AGTPBP1: variants seen among roughly 807,000 people sequenced by gnomAD.
The protein encoded by AGTPBP1 is ATP/GTP binding carboxypeptidase 1.
In AGTPBP1, 70 loss-of-function variants were observed where a neutral mutation model predicts 143.9. The ratio of observed to expected loss-of-function variants is 0.49; its 90% confidence interval spans 0.40 to 0.59. The LOEUF is 0.59. Among genes scored for constraint, AGTPBP1 ranks in the 20% least tolerant of loss-of-function variants. The pLI is 0.00. For synonymous variants in AGTPBP1, 463 were observed against 500.2 expected (o/e 0.93, Z 0.99); for missense variants, 1,229 against 1,464.5 (o/e 0.84, Z 2.62).
intron 2 of AGTPBP1, among the ~76,000 whole-genome samples, chr9:85,700,993 C>T (rs1476125320): frequency 6.6e-6 from 1 of 152,104 alleles, no homozygotes; most frequent in African/African-American, 2.4e-5. Flanking sequence ...TCTCGGCTCA[C>T]TGCAACCTCC....
intron 17 of AGTPBP1, among the ~76,000 whole-genome samples, chr9:85,602,019 A>T (rs962326417): frequency 6.6e-6 from 1 of 152,178 alleles, no homozygotes; most frequent in Admixed American, 6.5e-5. Flanking sequence ...GAAAGTAAAT[A>T]AAAAAATTGG....
chr9:85,654,530 A>G (rs895011710), intron 11 of AGTPBP1, among the ~76,000 whole-genome samples: 3 of 152,106 alleles, frequency 2.0e-5, no homozygotes, highest in Admixed American at 6.6e-5. Context: ...TAATGTTTAT[A>G]TTTTTACACT....
intron 19 of AGTPBP1, 152 bp from the exon 20 acceptor site, chr9:85,589,833 C>A: frequency 5.4e-6 from 4 of 744,508 alleles, no homozygotes; most frequent in South Asian, 4.0e-5. Flanking sequence ...GCCTAAACAT[C>A]AGTGTTTGGG....
chr9:85,754,682 G>C, the AGTPBP1 span, among the ~76,000 whole-genome samples: 1 of 151,888 alleles, frequency 6.6e-6, no homozygotes, highest in African/African-American at 2.4e-5. Context: ...AAAATACCTA[G>C]AATGCAATTA....
At chr9:85,727,052 G>A (rs142348660) in intron 1 of AGTPBP1, among the ~76,000 whole-genome samples, 4,264 of 152,236 alleles carry the variant, frequency 0.028, 201 homozygotes, top group African/African-American at 0.096. Flanking sequence ...AAATTCGGCC[G>A]GGTGTGGTGG....
intron 18 of AGTPBP1, among the ~76,000 whole-genome samples, chr9:85,595,105 C>T (rs891010798): frequency 2.0e-5 from 3 of 152,066 alleles, no homozygotes; most frequent in Non-Finnish European, 4.4e-5. Context: ...CATTTATTTG[C>T]TATTCATTTT....
At chr9:85,711,631 G>A (rs1360543167) in intron 2 of AGTPBP1, among the ~76,000 whole-genome samples, 2 of 151,622 alleles carry the variant, frequency 1.3e-5, no homozygotes, top group Non-Finnish European at 2.9e-5. Context: ...ATAAAGACAG[G>A]GTTTCACCAT....
intron 2 of AGTPBP1, among the ~76,000 whole-genome samples, chr9:85,699,233 G>T (rs761357674): frequency 1.5e-4 from 23 of 152,014 alleles, no homozygotes; most frequent in African/African-American, 5.6e-4. Context: ...ATCCTCCCAC[G>T]TGAGTCTCCC....
chr9:85,578,365 C>CT (rs1358501184), intron 24 of AGTPBP1, among the ~76,000 whole-genome samples: 1 of 152,146 alleles, frequency 6.6e-6, no homozygotes, highest in Non-Finnish European at 1.5e-5. Context: ...AATCCCGGAA[C>CT]TTTGAGAGGC....
intron 21 of AGTPBP1, 108 bp from the exon 22 acceptor site, chr9:85,587,068 C>T: frequency 1.5e-6 from 2 of 1,362,906 alleles, no homozygotes; most frequent in Middle Eastern, 1.9e-4. Context: ...TGCTTCTATT[C>T]CACTAAGCAT....
chr9:85,716,321 C>T (rs767252365), intron 1 of AGTPBP1, among the ~76,000 whole-genome samples: 2 of 152,202 alleles, frequency 1.3e-5, no homozygotes, highest in African/African-American at 4.8e-5. Context: ...TTTCCTTTAA[C>T]GGAATGCCCA....
chr9:85,689,892 C>A (rs1835729867), intron 3 of AGTPBP1, among the ~76,000 whole-genome samples: 1 of 80,790 alleles, frequency 1.2e-5, no homozygotes, highest in African/African-American at 5.8e-5. Context: ...GAGAGAGACT[C>A]TGCCTCAAAA....
chr9:85,566,912 A>G (rs1442727145), intron 25 of AGTPBP1, among the ~76,000 whole-genome samples: 2 of 152,216 alleles, frequency 1.3e-5, no homozygotes, highest in East Asian at 1.9e-4. Context: ...AAGACTTTAT[A>G]GCATTGCAAT....
At chr9:85,549,745 A>T (rs1256180694) in intron 25 of AGTPBP1, among the ~76,000 whole-genome samples, 1 of 152,206 alleles carries the variant, frequency 6.6e-6, no homozygotes, top group East Asian at 1.9e-4. Flanking sequence ...TTTTAAGACA[A>T]AGTAGCACAA....
chr9:85,613,512 T>C (rs62566927), intron 17 of AGTPBP1, among the ~76,000 whole-genome samples: 2,513 of 152,016 alleles, frequency 0.017, 29 homozygotes, highest in Middle Eastern at 0.055. Flanking sequence ...AATCTAAATG[T>C]CACTGACATA....
In AGTPBP1 at chr9:85,596,440, G is replaced by A; in HGVS notation, c.2345C>T (p.Pro782Leu). ...TGCTTCCTGAACCGAATACATGAGT[G>A]GTTGCATACCTTTGAAAGAGAGAAA... Reference protein sequence around the residue: ...SNSQFNYGMQPLMYSVQEALN... With the variant: ...SNSQFNYGMQLLMYSVQEALN... Residue 782 changes from proline to leucine, a missense_variant, in exon 18 of 26, where the codon CCA (proline) becomes CTA (leucine). Pro to Leu is a moderately conservative substitution (Grantham distance 98, BLOSUM62 -3). Transcript: ENST00000357081. 6.3e-7 allele frequency: 1 copy of A among 1,597,964 alleles called. No individual in the cohort carries two copies. The highest frequency in any genetic ancestry group is 8.5e-7 in the Non-Finnish European group (1 of 1,172,358).
intron 3 of AGTPBP1, among the ~76,000 whole-genome samples, chr9:85,692,390 C>T (rs1835936638): frequency 6.6e-6 from 1 of 151,886 alleles, no homozygotes; most frequent in Non-Finnish European, 1.5e-5. Flanking sequence ...TCTCCTGCCT[C>T]AGCCTCCCGA....
chr9:85,732,771 G>A (rs1323863993), intron 1 of AGTPBP1, among the ~76,000 whole-genome samples: 2 of 152,034 alleles, frequency 1.3e-5, no homozygotes, highest in South Asian at 2.1e-4. Context: ...TACATGGAAC[G>A]TGAAAGAATG....
intron 22 of AGTPBP1, among the ~76,000 whole-genome samples, chr9:85,586,102 A>G (rs1402524755): frequency 6.6e-6 from 1 of 152,082 alleles, no homozygotes; most frequent in East Asian, 1.9e-4. Context: ...AATTCCAGCT[A>G]CTTGGGAGGC....
Sources: allele counts gnomAD v4.1 joint callset (sites outside exome capture counted in the v4.1 genomes callset), GRCh38; gene constraint gnomAD v4.1.1; transcripts MANE v1.5; gene names NCBI Gene and HGNC (gene_info 2026-07-23, HGNC 2026-07-21).